PDE11A: variants seen among roughly 807,000 people sequenced by gnomAD.
PDE11A encodes dual 3',5'-cyclic-AMP and -GMP phosphodiesterase 11A.
PDE11A carries 100 observed loss-of-function variants against 100.5 expected under a neutral mutation model. The ratio of observed to expected loss-of-function variants is 1.00; its 90% CI spans 0.85 to 1.18. PDE11A has a LOEUF of 1.18. Ranked by LOEUF, PDE11A falls within the 50% of genes most tolerant of loss-of-function variation. The pLI, the probability that PDE11A is intolerant of heterozygous loss-of-function variation, is 0.00. For synonymous variants in PDE11A, 381 were observed against 420.8 expected (o/e 0.91, Z 1.16); for missense variants, 1,141 against 1,152.6 (o/e 0.99, Z 0.15).
intron 2 of PDE11A, among the ~76,000 whole-genome samples, chr2:177,962,258 A>C (rs1262966804): frequency 6.6e-6 from 1 of 152,084 alleles, no homozygotes; most frequent in Admixed American, 6.6e-5. Context: ...ATTATACTTC[A>C]CATTCCACAG....
intron 6 of PDE11A, among the ~76,000 whole-genome samples, chr2:177,835,825 C>A (rs1379921594): frequency 6.6e-6 from 1 of 152,202 alleles, no homozygotes. Flanking sequence ...GGGCCAGCAG[C>A]TGCAGAGGGT....
At chr2:178,077,466 G>T (rs2087222799), upstream of PDE11A, among the ~76,000 whole-genome samples, 1 of 151,920 alleles carries the variant, frequency 6.6e-6, no homozygotes. Context: ...TTTTACTGCA[G>T]AAATTTCTGT....
intron 19 of PDE11A, among the ~76,000 whole-genome samples, chr2:177,657,500 C>G (rs1026048982): frequency 6.6e-6 from 1 of 152,184 alleles, no homozygotes; most frequent in Non-Finnish European, 1.5e-5. Flanking sequence ...AAGAACCAAA[C>G]CTGGCTAAGT....
chr2:177,737,475 C>G (rs1427093968), intron 10 of PDE11A, among the ~76,000 whole-genome samples: 2 of 134,760 alleles, frequency 1.5e-5, no homozygotes, highest in African/African-American at 5.1e-5. Context: ...GTGGTGGGTG[C>G]CTGTAGTCCC....
intron 5 of PDE11A, among the ~76,000 whole-genome samples, chr2:177,874,974 A>C (rs2084207046): frequency 6.6e-6 from 1 of 152,202 alleles, no homozygotes; most frequent in African/African-American, 2.4e-5. Context: ...CTGTAATGCT[A>C]GCACTTTGGG....
chr2:177,631,501 A>T (rs2079927178), intron 19 of PDE11A, among the ~76,000 whole-genome samples: 1 of 30,062 alleles, frequency 3.3e-5, no homozygotes, highest in African/African-American at 1.1e-4. Context: ...AAAAAAAAAA[A>T]AAAAAAAAAA....
intron 18 of PDE11A, among the ~76,000 whole-genome samples, chr2:177,668,891 G>A (rs1340470115): frequency 6.6e-6 from 1 of 152,144 alleles, no homozygotes; most frequent in Non-Finnish European, 1.5e-5. Context: ...CTCTTGAGGT[G>A]GTGACTGACG....
chr2:177,687,278 G>C (rs1017352915), intron 15 of PDE11A: 1 of 152,156 alleles, frequency 6.6e-6, no homozygotes, highest in Non-Finnish European at 1.5e-5. Context: ...CCCAACTGTT[G>C]CTTCTGTCTT....
At chr2:178,053,320 G>T (rs1055334733) in intron 1 of PDE11A, among the ~76,000 whole-genome samples, 2 of 152,086 alleles carry the variant, frequency 1.3e-5, no homozygotes, top group African/African-American at 4.8e-5. Context: ...ACAGCCCTTC[G>T]TGCTAAAACC....
At chr2:178,098,497 T>A (rs1032411105) in intron 2 of PDE11A, among the ~76,000 whole-genome samples, 1 of 152,124 alleles carries the variant, frequency 6.6e-6, no homozygotes, top group African/African-American at 2.4e-5. Flanking sequence ...AATGGGAGAT[T>A]GTATAAATAT....
intron 15 of PDE11A, among the ~76,000 whole-genome samples, chr2:177,690,752 A>C (rs1273965669): frequency 6.6e-6 from 1 of 152,152 alleles, no homozygotes; most frequent in Non-Finnish European, 1.5e-5. Flanking sequence ...AAGTCTGATT[A>C]ATTTAGGAAG....
chr2:177,871,007 G>A lies in PDE11A; in HGVS notation c.1367+4852C>T, dbSNP rs570236634. 1.4e-4 allele frequency among the ~76,000 whole-genome samples: 21 copies of A among 152,140 alleles called. No homozygotes were observed. In the South Asian group the frequency reaches 4.0e-3, roughly 29 times the overall value. On this transcript the variant is annotated intron_variant, in intron 5 of 19. Transcript: ENST00000286063. ...ATCTCATCCTGCCTTGAGTGTACTG[G>A]TTCACTAAAGGACAGGAGCCATCAA...
chr2:178,042,087 A>G (rs931958221), intron 1 of PDE11A, among the ~76,000 whole-genome samples: 1 of 152,234 alleles, frequency 6.6e-6, no homozygotes, highest in Non-Finnish European at 1.5e-5. Flanking sequence ...GAAAGAGGAC[A>G]ATTAGTAAAT....
At chr2:177,834,827 G>A (rs957118743) in intron 6 of PDE11A, among the ~76,000 whole-genome samples, 2 of 152,114 alleles carry the variant, frequency 1.3e-5, no homozygotes, top group African/African-American at 4.8e-5. Context: ...TGCAGATATA[G>A]GGAGCTTTTC....
intron 2 of PDE11A, among the ~76,000 whole-genome samples, chr2:177,973,045 G>A (rs2085792399): frequency 6.6e-6 from 1 of 152,154 alleles, no homozygotes; most frequent in South Asian, 2.1e-4. Flanking sequence ...ATGTGGCTGT[G>A]ACTCAGAATA....
chr2:177,633,363 A>G (rs192777659), intron 19 of PDE11A, among the ~76,000 whole-genome samples: 40 of 152,366 alleles, frequency 2.6e-4, no homozygotes, highest in Non-Finnish European at 5.1e-4. Context: ...GCACAACTGC[A>G]AACCACCTGT....
At chr2:178,091,853 C>T (rs150546651) in intron 2 of PDE11A, among the ~76,000 whole-genome samples, 1 of 152,234 alleles carries the variant, frequency 6.6e-6, no homozygotes, top group East Asian at 1.9e-4. Flanking sequence ...TCCCTGCTAT[C>T]CTTCCCTGCA....
At chr2:177,995,038 T>G (rs1347513284) in intron 2 of PDE11A, among the ~76,000 whole-genome samples, 8 of 151,924 alleles carry the variant, frequency 5.3e-5, no homozygotes, top group Non-Finnish European at 1.2e-4. Flanking sequence ...CTTGAGAGAG[T>G]AAAGTCACTT....
intron 18 of PDE11A, 134 bp from the exon 19 acceptor site, chr2:177,664,083 A>G: frequency 1.5e-6 from 1 of 663,926 alleles, no homozygotes; most frequent in Non-Finnish European, 2.7e-6. Context: ...CAATCTTTAC[A>G]CATACTTTCT....
Sources: gnomAD v4.1 joint callset for allele counts (sites outside exome capture counted in the v4.1 genomes callset) on GRCh38, gnomAD v4.1.1 for gene constraint, MANE v1.5 for transcripts, NCBI Gene and HGNC (gene_info 2026-07-23, HGNC 2026-07-21) for gene names.